Variants in LRFN1 observed in about 807,000 individuals in gnomAD.
The protein encoded by LRFN1 is leucine rich repeat and fibronectin type III domain containing 1.
Under a neutral mutation model 31.8 loss-of-function variants are expected in LRFN1, and 20 were observed. The observed-to-expected ratio is 0.63, with a 90% CI of 0.44 to 0.91. The LOEUF (loss-of-function observed/expected upper bound fraction) is 0.91. Ranked by LOEUF, LRFN1 falls within the 40% of genes least tolerant of loss-of-function variation. The pLI, the probability that LRFN1 is intolerant of heterozygous loss-of-function variation, is 0.00. For missense variants in LRFN1, 912 were observed against 1,129.8 expected (o/e 0.81, Z 2.76); for synonymous variants, 514 against 541.3 (o/e 0.95, Z 0.70).
At chr19:39,320,225 T>C (rs1377085742) in intron 1 of LRFN1, among the ~76,000 whole-genome samples, 8 of 149,746 alleles carry the variant, frequency 5.3e-5, no homozygotes, top group Non-Finnish European at 8.9e-5. Context: ...CACCGAGGCC[T>C]GGGCGCCGAG....
intron 1 of LRFN1, among the ~76,000 whole-genome samples, chr19:39,319,221 CAT>C (rs1197523707): frequency 6.6e-6 from 1 of 152,216 alleles, no homozygotes; most frequent in African/African-American, 2.4e-5. Flanking sequence ...CAGAGAAACT[CAT>C]GTGCCCCCTA....
chr19:39,307,474 C>G lies in LRFN1; in HGVS notation c.*159G>C. The G allele has an allele frequency of 1.2e-6, 1 of 801,362 alleles. No homozygotes were observed. Among genetic ancestry groups the G allele is most frequent in the East Asian group, 3.4e-5 (1 of 29,638 alleles). 49.6% of individuals were successfully genotyped at this position (801,362 alleles called of 1,614,324 possible). On this transcript the variant is annotated 3_prime_UTR_variant, in exon 5 of 5. Transcript: ENST00000248668. This position sits in a 1 kb window ranked among gnomAD's most constrained non-coding sequence, Gnocchi z 6.7. ...CTGGGCACGGGGGCGTGGCCTCGAG[C>G]CGCAGCCCGAGGCTGCCCCGCCCCC... is the stretch of plus-strand genomic sequence containing the variant.
In LRFN1 at chr19:39,307,709, C is replaced by T. The variant is rs772487093; in HGVS notation, c.2240G>A (p.Gly747Glu). ...GAGGGAAGED[G>E]DLGLGSARAC... Reference sequence around the variant, plus strand: ...CCTGGCGGAGCCCAGCCCCAGGTCTCCATCCTCCCCGGCCGCGCCCCCTCC... The same window carrying T: ...CCTGGCGGAGCCCAGCCCCAGGTCTTCATCCTCCCCGGCCGCGCCCCCTCC... The change falls in exon 5 of 5, where the codon GGA becomes GAA. Residue 747 changes from glycine to glutamate, a missense_variant. Physicochemically the swap from Gly to Glu is moderately conservative, Grantham distance 98. Around this residue, in one of 2 missense-constraint regions of LRFN1, gnomAD observed 511 missense variants for 557.0 expected, o/e 0.92. Coordinates refer to ENST00000248668, the MANE Select transcript of LRFN1 (RefSeq NM_020862.2). The surrounding 1 kb of genome is among the most constrained non-coding windows in gnomAD (Gnocchi z 6.7). The T allele has an allele frequency of 4.6e-6, 7 of 1,513,696 alleles. No individual in the cohort carries two copies. The South Asian group carries it at 5.0e-5, about 11-fold the overall frequency. 93.8% of individuals were successfully genotyped at this position (1,513,696 alleles called of 1,614,324 possible).
At position 39,316,127 on chromosome 19, in the gene LRFN1, G is replaced by T. The variant is rs1409155794; in HGVS notation, c.-83C>A. On this transcript the variant is annotated 5_prime_UTR_variant, in exon 3 of 5. Transcript: ENST00000248668. ...AGTATCTGAACCTCTCTGATTCTCG[G>T]TTTCTTCATCTGTAAAAGGGAGATA... The T allele has an allele frequency of 6.6e-6, 1 of 152,050 alleles. No homozygotes were observed. The highest frequency in any genetic ancestry group is 1.5e-5 in the Non-Finnish European group (1 of 68,040). 9.4% of individuals were successfully genotyped at this position (152,050 alleles called of 1,614,324 possible). A position where few individuals can be genotyped will look rare whatever the true frequency, so the allele number is the denominator to read the frequency against.
chr19:39,308,199 A>C lies in LRFN1; in HGVS notation c.1750T>G (p.Ser584Ala). Residue 584 changes from serine to alanine, a missense_variant, in exon 5 of 5, where the codon TCG becomes GCG. By Grantham distance (99) the Ser-to-Ala change is moderately conservative. This residue lies in a region of LRFN1 where 511 missense variants were observed against 557.0 expected (regional missense o/e 0.92). Coordinates refer to ENST00000248668, the MANE Select transcript of LRFN1 (RefSeq NM_020862.2). The surrounding 1 kb of genome is among the most constrained non-coding windows in gnomAD (Gnocchi z 6.2). ...RSLPRVSHVC[S>A]QTNGAGTGAA... The stretch of plus-strand genomic sequence containing the variant: ...CCTGTGCCTGCGCCGTTGGTCTGCG[A>C]GCACACGTGGCTGACCCGCGGGAGC... 6.2e-7 allele frequency: 1 copy of C among 1,603,038 alleles called. No homozygotes were observed. Among genetic ancestry groups the C allele is most frequent in the East Asian group, 2.2e-5 (1 of 44,660 alleles).
intron 2 of LRFN1, among the ~76,000 whole-genome samples, chr19:39,316,537 A>T (rs1235483633): frequency 4.6e-5 from 7 of 152,174 alleles, no homozygotes; most frequent in African/African-American, 1.7e-4. Context: ...CGCCTCTGGC[A>T]TTGGCAGGGA....
At position 39,307,581 on chromosome 19, in the gene LRFN1, CG is replaced by C; in HGVS notation, c.*51del. On this transcript the variant is annotated 3_prime_UTR_variant, in exon 5 of 5. Coordinates refer to ENST00000248668, the MANE Select transcript of LRFN1 (RefSeq NM_020862.2). The surrounding 1 kb of genome is among the most constrained non-coding windows in gnomAD (Gnocchi z 6.7). ...TCCCAGTCCCGCCCCAGCGTCCGTG[CG>C]GCTGGGCGTTTGGTCTGCGGCACCC... 1 of 1,354,514 alleles carries C rather than the reference CG, an allele frequency of 7.4e-7. No homozygotes were observed. Among genetic ancestry groups the C allele is most frequent in the Non-Finnish European group, 9.5e-7 (1 of 1,057,076 alleles). 83.9% of individuals were successfully genotyped at this position (1,354,514 alleles called of 1,614,324 possible). A position where few individuals can be genotyped will look rare whatever the true frequency, so the allele number is the denominator to read the frequency against.
Position 39,308,624 on chromosome 19 carries a change from G to C in LRFN1, c.1407-82C>G. On this transcript the variant is annotated intron_variant, in intron 4 of 4. Transcript: ENST00000248668. The surrounding 1 kb of genome is among the most constrained non-coding windows in gnomAD (Gnocchi z 6.2). Reference sequence around the variant, plus strand: ...CTTTATGCCCCGCCCATGGTGAACAGTGGGGACTAAACCCTGCTATCGAAG... The same window carrying C: ...CTTTATGCCCCGCCCATGGTGAACACTGGGGACTAAACCCTGCTATCGAAG... The C allele has an allele frequency of 7.9e-7, 1 of 1,258,810 alleles. No homozygotes were observed. Among genetic ancestry groups the C allele is most frequent in the Non-Finnish European group, 1.1e-6 (1 of 930,716 alleles). The allele number at this position is 1,258,810 out of a possible 1,614,324, so 78.0% of individuals were successfully genotyped here.
chr19:39,315,302 G>A lies in LRFN1; in HGVS notation c.35C>T (p.Ser12Leu). The A allele has an allele frequency of 6.7e-7, 1 of 1,492,040 alleles. No individual in the cohort carries two copies. 92.4% of individuals were successfully genotyped at this position (1,492,040 alleles called of 1,614,324 possible). Residue 12 changes from serine (S) to leucine (L), a missense_variant, in exon 4 of 5, where the codon TCG (serine) becomes TTG (leucine). Around this residue, in one of 2 missense-constraint regions of LRFN1, gnomAD observed 401 missense variants for 572.7 expected, o/e 0.70. Transcript: ENST00000248668. The surrounding 1 kb of genome is among the most constrained non-coding windows in gnomAD (Gnocchi z 4.7). Reference protein sequence around the residue: ...APGPFSSALLSPPPAALPFLL... With the variant: ...APGPFSSALLLPPPAALPFLL... Reference sequence around the variant, plus strand: ...AAAGGGCAGGGCAGCGGGCGGCGGCGAGAGGAGGGCCGAGGAGAAGGGTCC... The same window carrying A: ...AAAGGGCAGGGCAGCGGGCGGCGGCAAGAGGAGGGCCGAGGAGAAGGGTCC...
At position 39,307,577 on chromosome 19, in the gene LRFN1, C is replaced by G. The variant is rs2047171617; in HGVS notation, c.*56G>C. On this transcript the variant is annotated 3_prime_UTR_variant, in exon 5 of 5. Transcript: ENST00000248668. This position sits in a 1 kb window ranked among gnomAD's most constrained non-coding sequence, Gnocchi z 6.7. ...TTTCTCCCAGTCCCGCCCCAGCGTC[C>G]GTGCGGCTGGGCGTTTGGTCTGCGG... 1 of 1,343,130 alleles carries G rather than the reference C, an allele frequency of 7.4e-7. No individual in the cohort carries two copies. Among genetic ancestry groups the G allele is most frequent in the Non-Finnish European group, 9.5e-7 (1 of 1,049,444 alleles). The allele number at this position is 1,343,130 out of a possible 1,614,324, so 83.2% of individuals were successfully genotyped here.
intron 4 of LRFN1, among the ~76,000 whole-genome samples, chr19:39,313,582 G>A (rs923023039): frequency 1.3e-5 from 2 of 152,146 alleles, no homozygotes; most frequent in Admixed American, 1.3e-4. Context: ...TGTGTTTCAT[G>A]CTCCAAAATG....
chr19:39,314,390 G>C lies in LRFN1; in HGVS notation c.947C>G (p.Ala316Gly), dbSNP rs1434280925. The C allele has an allele frequency of 1.3e-6, 2 of 1,595,148 alleles. No individual in the cohort carries two copies. The highest frequency in any genetic ancestry group is 2.7e-5 in the African/African-American group (2 of 74,620). Residue 316 changes from alanine to glycine, a missense_variant, in exon 4 of 5, where the codon GCG becomes GGG. Physicochemically the swap from Ala to Gly is moderately conservative, Grantham distance 60 (BLOSUM62 0). This residue lies in a region of LRFN1 where 401 missense variants were observed against 572.7 expected (regional missense o/e 0.70). Transcript: ENST00000248668. ...CACCGCTCGGCAGCGCAGGCTCACC[G>C]CCTGGCCTTCCACCACCAGGGCCCG... ...GGRALVVEGQ[A>G]VSLRCRAVGD...
intron 4 of LRFN1, among the ~76,000 whole-genome samples, chr19:39,310,109 C>G (rs1423941689): frequency 1.3e-5 from 2 of 152,166 alleles, no homozygotes; most frequent in African/African-American, 4.8e-5. Flanking sequence ...AGGCACCCAC[C>G]ACCACACCTG....
Position 39,308,004 on chromosome 19 carries a change from A to G in LRFN1, c.1945T>C (p.Ser649Pro). The G allele has an allele frequency of 6.4e-7, 1 of 1,573,208 alleles. No homozygotes were observed. The highest frequency in any genetic ancestry group is 8.6e-7 in the Non-Finnish European group (1 of 1,166,322). Residue 649 changes from serine (S) to proline (P), a missense_variant, in exon 5 of 5, where the codon TCG (serine) becomes CCG (proline). Ser to Pro is a moderately conservative substitution (Grantham distance 74, BLOSUM62 -1). Transcript: ENST00000248668. The surrounding 1 kb of genome is among the most constrained non-coding windows in gnomAD (Gnocchi z 6.2). Reference protein sequence around the residue: ...LGRSLGGSATSLCLLPSEETS... With the variant: ...LGRSLGGSATPLCLLPSEETS... ...TCCTCGGATGGCAGCAGGCACAGCG[A>G]GGTGGCCGAGCCGCCCAGAGAACGT...
At position 39,314,482 on chromosome 19, in the gene LRFN1, G is replaced by A. The variant is rs780392368; in HGVS notation, c.855C>T (p.Tyr285=). The A allele has an allele frequency of 6.2e-7, 1 of 1,610,664 alleles. No individual in the cohort carries two copies. Among genetic ancestry groups the A allele is most frequent in the Non-Finnish European group, 8.5e-7 (1 of 1,179,232 alleles). The change falls in exon 4 of 5, where the codon TAC becomes TAT. Residue 285 remains tyrosine (Y), a synonymous_variant. Coordinates refer to ENST00000248668, the MANE Select transcript of LRFN1 (RefSeq NM_020862.2). Reference sequence around the variant, plus strand: ...ACTCCTCCTCGGGGATGGACCAGAAGTAGCGGTCGGTGAGGTGTTCGGGCG... The same window carrying A: ...ACTCCTCCTCGGGGATGGACCAGAAATAGCGGTCGGTGAGGTGTTCGGGCG... The part of the protein sequence containing the change: ...CATPEHLTDR[Y]FWSIPEEEFL...
chr19:39,313,824 C>A lies in LRFN1; in HGVS notation c.1406+107G>T, dbSNP rs1023658915. The A allele has an allele frequency of 5.9e-6, 6 of 1,018,916 alleles. No homozygotes were observed. In the African/African-American group the frequency reaches 9.7e-5, roughly 16 times the overall value. The allele number at this position is 1,018,916 out of a possible 1,614,324, so 63.1% of individuals were successfully genotyped here. ...AGGAGGGCGGGAACAGCTCTCACAG[C>A]CATCTAGAACCCTGGCTGAGCAAGA... On this transcript the variant is annotated intron_variant, in intron 4 of 4. Coordinates refer to ENST00000248668, the MANE Select transcript of LRFN1 (RefSeq NM_020862.2).
intron 4 of LRFN1, among the ~76,000 whole-genome samples, chr19:39,309,492 A>AG (rs2075143395): frequency 6.7e-6 from 1 of 149,202 alleles, no homozygotes; most frequent in African/African-American, 2.5e-5. Context: ...AAAAAAAAAA[A>AG]AAAAAAAAAA....
chr19:39,312,117 G>A (rs1379936540), intron 4 of LRFN1, among the ~76,000 whole-genome samples: 2 of 152,026 alleles, frequency 1.3e-5, no homozygotes, highest in Non-Finnish European at 2.9e-5. Flanking sequence ...TGATCCGCCC[G>A]CCTCAGCCTC....
rs1467032965 is a variant in LRFN1 at position 39,308,397 on chromosome 19, C to G, written c.1552G>C (p.Ala518Pro). The change falls in exon 5 of 5, where the codon GCT becomes CCT. Residue 518 changes from alanine (A) to proline (P), a missense_variant. Physicochemically the swap from Ala to Pro is conservative, Grantham distance 27. Transcript: ENST00000248668. This position sits in a 1 kb window ranked among gnomAD's most constrained non-coding sequence, Gnocchi z 6.2. ...RVVGCVQFTTAGDPAPCRPLR... is the reference protein window; with the variant it reads ...RVVGCVQFTTPGDPAPCRPLR... ...GGGCGGCAGGGCGCCGGATCCCCAGCGGTGGTGAACTGTACACAGCCCACC... is the reference window on the plus strand; with the variant it reads ...GGGCGGCAGGGCGCCGGATCCCCAGGGGTGGTGAACTGTACACAGCCCACC... 2 of 1,611,366 alleles carry G rather than the reference C, an allele frequency of 1.2e-6. No homozygotes were observed. Among genetic ancestry groups the G allele is most frequent in the Admixed American group, 1.7e-5 (1 of 59,816 alleles).
Sources: gnomAD v4.1 joint callset for allele counts (sites outside exome capture counted in the v4.1 genomes callset) on GRCh38, gnomAD v4.1.1 for gene constraint, gnomAD v4.1.1 regional missense constraint, Gnocchi (gnomAD v3.1) non-coding constraint, MANE v1.5 for transcripts, NCBI Gene and HGNC (gene_info 2026-07-23, HGNC 2026-07-21) for gene names.